Variants in AOPEP observed in about 807,000 individuals in gnomAD.
AOPEP encodes the protein aminopeptidase O (putative), also known as aminopeptidase O.
A neutral mutation model predicts 98.1 loss-of-function variants in AOPEP; 77 were observed. The ratio of observed to expected loss-of-function variants is 0.78; its 90% CI spans 0.65 to 0.95. AOPEP has a LOEUF of 0.95. Ranked by LOEUF, AOPEP falls within the 40% of genes least tolerant of loss-of-function variation. AOPEP has a pLI of 0.00. For missense variants in AOPEP, 1,024 were observed against 1,024.7 expected (o/e 1.00, Z 0.01); for synonymous variants, 346 against 365.3 (o/e 0.95, Z 0.60).
intron 5 of AOPEP, among the ~76,000 whole-genome samples, chr9:94,883,970 C>G (rs951753828): frequency 5.3e-5 from 8 of 152,302 alleles, no homozygotes; most frequent in Admixed American, 2.0e-4. Flanking sequence ...CTGGCCACCC[C>G]TTGATCCATC....
At chr9:94,971,530 C>T (rs777414975) in intron 10 of AOPEP, among the ~76,000 whole-genome samples, 3 of 152,156 alleles carry the variant, frequency 2.0e-5, no homozygotes, top group Non-Finnish European at 4.4e-5. Context: ...ACCTACCCCC[C>T]GGAGCCTCTA....
intron 3 of AOPEP, among the ~76,000 whole-genome samples, chr9:94,774,940 T>C (rs1841748441): frequency 6.6e-6 from 1 of 152,184 alleles, no homozygotes; most frequent in South Asian, 2.1e-4. Context: ...TTCTTAACCA[T>C]TTTCATTTTC....
intron 5 of AOPEP, among the ~76,000 whole-genome samples, chr9:94,895,233 AT>A (rs1364889728): frequency 0.051 from 1,370 of 26,678 alleles, 43 homozygotes; most frequent in Middle Eastern, 0.15. Context: ...AAAAAATAAA[AT>A]AAAATAAAAA....
chr9:95,033,270 G>A (rs1166870424), intron 13 of AOPEP, among the ~76,000 whole-genome samples: 3 of 151,936 alleles, frequency 2.0e-5, no homozygotes, highest in Admixed American at 1.3e-4. Flanking sequence ...TAGTACTAAC[G>A]TCTCCTCCAC....
At chr9:94,896,202 A>G (rs1004774975) in intron 5 of AOPEP, among the ~76,000 whole-genome samples, 4 of 152,236 alleles carry the variant, frequency 2.6e-5, no homozygotes, top group South Asian at 4.1e-4. Flanking sequence ...CTTCTTAAAA[A>G]TCATTCATTT....
the AOPEP span, among the ~76,000 whole-genome samples, chr9:95,103,479 G>T: frequency 6.6e-6 from 1 of 152,204 alleles, no homozygotes. Context: ...AGAAGGAGAA[G>T]TGTGAATCCA....
rs76369635 is a variant in AOPEP at position 94,789,425 on chromosome 9, G to A, written c.965-3340G>A. Among the ~76,000 whole-genome samples the A allele has an allele frequency of 7.4e-3, 1,124 of 152,248 alleles. 15 individuals are homozygous for A. The highest frequency in any genetic ancestry group is 0.026 in the African/African-American group (1,085 of 41,532). Reference sequence around the variant, plus strand: ...TTCAGAGAAGGAATGACAGACCACAGCCCTTTGATTAAGAAAATGTGTTTT... The same window carrying A: ...TTCAGAGAAGGAATGACAGACCACAACCCTTTGATTAAGAAAATGTGTTTT... On this transcript the variant is annotated intron_variant, in intron 3 of 16. Coordinates refer to ENST00000375315, the MANE Select transcript of AOPEP (RefSeq NM_001193329.3).
At chr9:94,982,554 C>T (rs1251128094) in intron 11 of AOPEP, among the ~76,000 whole-genome samples, 1 of 147,854 alleles carries the variant, frequency 6.8e-6, no homozygotes, top group Non-Finnish European at 1.5e-5. Context: ...TAATATAATT[C>T]AAGAGCAATA....
intron 10 of AOPEP, among the ~76,000 whole-genome samples, chr9:94,971,838 G>T (rs2059555208): frequency 6.6e-6 from 1 of 152,196 alleles, no homozygotes; most frequent in African/African-American, 2.4e-5. Context: ...AAGTCATTAT[G>T]ACTCCATGTA....
At chr9:94,788,504 T>G (rs529016106) in intron 3 of AOPEP, among the ~76,000 whole-genome samples, 12 of 152,070 alleles carry the variant, frequency 7.9e-5, no homozygotes, top group Admixed American at 7.9e-4. Context: ...TTTTTTTTTT[T>G]CCCATTTGCT....
intron 11 of AOPEP, among the ~76,000 whole-genome samples, chr9:94,985,752 C>T (rs755405639): frequency 4.6e-5 from 7 of 151,968 alleles, no homozygotes; most frequent in Non-Finnish European, 8.8e-5. Context: ...CATTTTTGTC[C>T]AGTAGTTAAA....
chr9:94,931,724 T>G (rs936814776), intron 7 of AOPEP: 1 of 1,549,266 alleles, frequency 6.5e-7, no homozygotes, highest in African/African-American at 1.4e-5. Context: ...GGTTTCCACA[T>G]GTTGGCGGAT....
intron 13 of AOPEP, among the ~76,000 whole-genome samples, chr9:95,038,009 A>G (rs1587727395): frequency 6.6e-6 from 1 of 152,104 alleles, no homozygotes; most frequent in African/African-American, 2.4e-5. Context: ...GTAATGTGAG[A>G]AACCTTCCAT....
At chr9:94,759,538 A>G (rs1837803812) in intron 1 of AOPEP, 111 bp from the exon 2 acceptor site, 3 of 458,648 alleles carry the variant, frequency 6.5e-6, no homozygotes, top group Admixed American at 3.9e-5. Context: ...ATGAGCATCT[A>G]CCGCTTGGGG....
At chr9:95,101,304 T>C in the AOPEP span, 1 of 331,276 alleles carries the variant, frequency 3.0e-6, no homozygotes, top group South Asian at 5.3e-5. Context: ...AAGTTCTCTC[T>C]AAATTCTTTA....
At position 95,083,750 on chromosome 9, in the gene AOPEP, C is replaced by T. The variant is rs1183862108; in HGVS notation, c.*4+1031C>T. 8.5e-5 allele frequency among the ~76,000 whole-genome samples: 13 copies of T among 152,308 alleles called. No homozygotes were observed. The South Asian group carries it at 2.5e-3, about 29-fold the overall frequency. ...CAGTGCACGCACCACACAGCACCCG[C>T]GGCGCACACAGCACACGTGGCATAT... On this transcript the variant is annotated intron_variant, in intron 16 of 16. Coordinates refer to ENST00000375315, the MANE Select transcript of AOPEP (RefSeq NM_001193329.3).
chr9:94,943,106 A>G (rs1589015268), intron 7 of AOPEP, among the ~76,000 whole-genome samples: 2 of 152,180 alleles, frequency 1.3e-5, no homozygotes, highest in Admixed American at 6.5e-5. Flanking sequence ...CTGAAGGGAA[A>G]AAGAATCAGT....
chr9:95,135,079 AG>A, the AOPEP span, among the ~76,000 whole-genome samples: 2 of 152,250 alleles, frequency 1.3e-5, no homozygotes, highest in Non-Finnish European at 2.9e-5. Flanking sequence ...GTTTTTAAAA[AG>A]TCTGTTGTGC....
At chr9:94,990,622 AATTAATT>A (rs1420250363) in intron 11 of AOPEP, among the ~76,000 whole-genome samples, 1 of 151,800 alleles carries the variant, frequency 6.6e-6, no homozygotes, top group East Asian at 1.9e-4. Context: ...TTAATTAATT[AATTAATT>A]AATTAATTAA....
Sources: gnomAD v4.1 joint callset for allele counts (sites outside exome capture counted in the v4.1 genomes callset) on GRCh38, gnomAD v4.1.1 for gene constraint, MANE v1.5 for transcripts, NCBI Gene and HGNC (gene_info 2026-07-23, HGNC 2026-07-21) for gene names.